Variants in FUT9 observed in about 807,000 individuals in gnomAD.
FUT9 encodes the protein 4-galactosyl-N-acetylglucosaminide 3-alpha-L-fucosyltransferase 9.
FUT9 carries 15 observed loss-of-function variants against 29.7 expected under a neutral mutation model. The observed-to-expected ratio is 0.51, with a 90% CI of 0.34 to 0.78. The LOEUF (loss-of-function observed/expected upper bound fraction) is 0.78, where lower values mean the gene tolerates loss of function less well. Ranked by LOEUF, FUT9 falls within the 30% of genes least tolerant of loss-of-function variation. FUT9 has a pLI of 0.01. For missense variants in FUT9, 319 were observed against 425.4 expected, an observed-to-expected ratio of 0.75 and a Z score of 2.20; for synonymous variants, 169 against 153.7, an observed-to-expected ratio of 1.10 and a Z score of -0.74.
intron 1 of FUT9, among the ~76,000 whole-genome samples, chr6:96,045,509 A>T (rs1379927503): frequency 6.6e-6 from 1 of 152,212 alleles, no homozygotes; most frequent in Non-Finnish European, 1.5e-5. Flanking sequence ...TCTCTTTATT[A>T]AAAATGAATT....
intron 2 of FUT9, among the ~76,000 whole-genome samples, chr6:96,146,201 A>G (rs544501956): frequency 5.9e-5 from 9 of 152,188 alleles, no homozygotes; most frequent in African/African-American, 2.2e-4. Context: ...GACATGATCT[A>G]CCTTATTTTA....
intron 1 of FUT9, among the ~76,000 whole-genome samples, chr6:96,089,074 A>G (rs1204077337): frequency 6.6e-6 from 1 of 152,128 alleles, no homozygotes; most frequent in Non-Finnish European, 1.5e-5. Context: ...GAATTATGAG[A>G]ATTGTTTACT....
At chr6:96,073,516 A>G (rs1771097323) in intron 1 of FUT9, among the ~76,000 whole-genome samples, 3 of 152,210 alleles carry the variant, frequency 2.0e-5, no homozygotes, top group Non-Finnish European at 4.4e-5. Flanking sequence ...AACGCAAGTA[A>G]AGGCCTAAAG....
intron 2 of FUT9, among the ~76,000 whole-genome samples, chr6:96,173,830 C>A (rs1171059401): frequency 3.3e-5 from 5 of 151,898 alleles, no homozygotes; most frequent in African/African-American, 1.2e-4. Context: ...CTTCTTACAG[C>A]TTTGCTAAAA....
At chr6:96,034,504 T>C (rs1230944481) in intron 1 of FUT9, among the ~76,000 whole-genome samples, 1 of 151,798 alleles carries the variant, frequency 6.6e-6, no homozygotes, top group Non-Finnish European at 1.5e-5. Flanking sequence ...TGTTCTTACA[T>C]TATTTTTTAA....
At chr6:96,077,721 C>T (rs1421607386) in intron 1 of FUT9, among the ~76,000 whole-genome samples, 1 of 152,162 alleles carries the variant, frequency 6.6e-6, no homozygotes, top group East Asian at 1.9e-4. Context: ...CCTACAATAA[C>T]GTCTGAAAGA....
At chr6:96,096,426 T>A (rs1362606574) in intron 1 of FUT9, among the ~76,000 whole-genome samples, 1 of 152,122 alleles carries the variant, frequency 6.6e-6, no homozygotes, top group Non-Finnish European at 1.5e-5. Flanking sequence ...TCAGCTCATA[T>A]CTCTCCTCTG....
chr6:96,173,191 TG>T (rs1216056015), intron 2 of FUT9, among the ~76,000 whole-genome samples: 17 of 152,142 alleles, frequency 1.1e-4, no homozygotes, highest in African/African-American at 3.9e-4. Flanking sequence ...GGCTCCCACT[TG>T]TCATTTAAGT....
intron 1 of FUT9, among the ~76,000 whole-genome samples, chr6:96,084,169 G>C (rs1170208631): frequency 2.6e-5 from 4 of 152,022 alleles, no homozygotes; most frequent in African/African-American, 7.2e-5. Context: ...ATAGACTAAA[G>C]TGACTTATCA....
chr6:96,030,147 T>C (rs892990637), intron 1 of FUT9, among the ~76,000 whole-genome samples: 6 of 151,548 alleles, frequency 4.0e-5, no homozygotes, highest in Non-Finnish European at 7.4e-5. Flanking sequence ...TTGACATAAA[T>C]GATAATTATA....
intron 2 of FUT9, among the ~76,000 whole-genome samples, chr6:96,194,592 T>C (rs1339975129): frequency 3.9e-5 from 6 of 152,064 alleles, no homozygotes; most frequent in Non-Finnish European, 7.4e-5. Context: ...GAAAAGACGA[T>C]GTCAAGATGT....
rs1582310104 is a variant in FUT9 at position 96,205,889 on chromosome 6, G to A, written c.*1654G>A. On this transcript the variant is annotated 3_prime_UTR_variant, in exon 3 of 3. Coordinates refer to ENST00000302103, the MANE Select transcript of FUT9 (RefSeq NM_006581.4). Reference sequence around the variant, plus strand: ...AATAAGCTCACCCCAGCACCAGAAAGATTTGAGCAGAGGAATATTCCTGTA... The same window carrying A: ...AATAAGCTCACCCCAGCACCAGAAAAATTTGAGCAGAGGAATATTCCTGTA... The A allele has an allele frequency of 6.0e-6, 1 of 167,126 alleles. No individual in the cohort carries two copies. Among genetic ancestry groups the A allele is most frequent in the Non-Finnish European group, 1.5e-5 (1 of 68,108 alleles). The allele number at this position is 167,126 out of a possible 1,614,324, so 10.4% of individuals were successfully genotyped here.
chr6:96,097,897 A>G (rs926791148), intron 1 of FUT9, among the ~76,000 whole-genome samples: 1 of 152,128 alleles, frequency 6.6e-6, no homozygotes, highest in Non-Finnish European at 1.5e-5. Flanking sequence ...CTTCATATAA[A>G]AAGGCAAAGA....
At chr6:96,085,728 A>T (rs1771305247) in intron 1 of FUT9, among the ~76,000 whole-genome samples, 1 of 152,050 alleles carries the variant, frequency 6.6e-6, no homozygotes, top group South Asian at 2.1e-4. Flanking sequence ...AAATGCAAAC[A>T]CTCAATGCCC....
At chr6:96,079,983 A>G (rs1771208493) in intron 1 of FUT9, among the ~76,000 whole-genome samples, 1 of 152,100 alleles carries the variant, frequency 6.6e-6, no homozygotes, top group African/African-American at 2.4e-5. Flanking sequence ...CCTTTACAAC[A>G]ATGTATCTGA....
At chr6:96,023,441 G>C (rs1770109091) in intron 1 of FUT9, among the ~76,000 whole-genome samples, 1 of 151,948 alleles carries the variant, frequency 6.6e-6, no homozygotes. Flanking sequence ...GCACCATGGA[G>C]AGTAGGGACA....
chr6:96,150,203 G>A (rs542950633), intron 2 of FUT9, among the ~76,000 whole-genome samples: 9 of 152,258 alleles, frequency 5.9e-5, no homozygotes, highest in Admixed American at 4.6e-4. Flanking sequence ...AATGGTGTCT[G>A]TTTCAGGTAA....
At chr6:96,048,936 T>G (rs1365115026) in intron 1 of FUT9, among the ~76,000 whole-genome samples, 1 of 152,170 alleles carries the variant, frequency 6.6e-6, no homozygotes, top group East Asian at 1.9e-4. Flanking sequence ...TGGGTAACCT[T>G]CAGGAAATTA....
chr6:96,074,030 T>C (rs1016912273), intron 1 of FUT9, among the ~76,000 whole-genome samples: 2 of 152,164 alleles, frequency 1.3e-5, no homozygotes, highest in African/African-American at 4.8e-5. Flanking sequence ...GCAATTAAAA[T>C]AATAAAAAAT....
Sources: allele counts gnomAD v4.1 joint callset (sites outside exome capture counted in the v4.1 genomes callset), GRCh38; gene constraint gnomAD v4.1.1; transcripts MANE v1.5; gene names NCBI Gene and HGNC (gene_info 2026-07-23, HGNC 2026-07-21).